Variants in DPYSL3 observed in about 807,000 individuals in gnomAD.
The protein encoded by DPYSL3 is dihydropyrimidinase-related protein 3.
DPYSL3 carries 16 observed loss-of-function variants against 66.1 expected under a neutral mutation model. The observed-to-expected ratio is 0.24, with a 90% CI of 0.16 to 0.37. The LOEUF is 0.37. Among genes scored for constraint, DPYSL3 ranks in the 10% least tolerant of loss-of-function variants. The pLI is 1.00. For missense variants in DPYSL3, 738 were observed against 916.2 expected (o/e 0.81, Z 2.51); for synonymous variants, 338 against 345.1 (o/e 0.98, Z 0.23).
intron 1 of DPYSL3, among the ~76,000 whole-genome samples, chr5:147,428,946 T>C (rs1184183808): frequency 6.6e-6 from 1 of 152,150 alleles, no homozygotes; most frequent in Non-Finnish European, 1.5e-5. Context: ...CCCGTACATG[T>C]ATCCCAGAAC....
chr5:147,412,910 T>TGG (rs1265817136), intron 5 of DPYSL3, among the ~76,000 whole-genome samples: 1 of 152,210 alleles, frequency 6.6e-6, no homozygotes, highest in Admixed American at 6.5e-5. Context: ...TTCCCTAGGC[T>TGG]GGCAGAGCAA....
intron 11 of DPYSL3, 37 bp from the exon 12 acceptor site, chr5:147,397,882 G>A (rs781721856): frequency 6.6e-7 from 1 of 1,525,702 alleles, no homozygotes; most frequent in Non-Finnish European, 8.8e-7. Context: ...CACAGTAAGG[G>A]TAGAGAAAGA....
chr5:147,453,187 A>G (rs1198398593), intron 1 of DPYSL3, among the ~76,000 whole-genome samples: 15 of 152,056 alleles, frequency 9.9e-5, no homozygotes, highest in Admixed American at 9.8e-4. Flanking sequence ...CTTAGACAAA[A>G]AGCACACCTC....
At chr5:147,469,233 C>T (rs528590666) in intron 1 of DPYSL3, among the ~76,000 whole-genome samples, 1 of 152,338 alleles carries the variant, frequency 6.6e-6, no homozygotes, top group South Asian at 2.1e-4. Flanking sequence ...ATCAATACAC[C>T]TCCTTGACTG....
intron 1 of DPYSL3, among the ~76,000 whole-genome samples, chr5:147,459,586 G>A (rs1458535869): frequency 6.6e-6 from 1 of 151,432 alleles, no homozygotes; most frequent in Non-Finnish European, 1.5e-5. Flanking sequence ...AACTAACCTC[G>A]GATACACATA....
Position 147,413,300 on chromosome 5 carries a change from G to A in DPYSL3, c.882+296C>T, listed in dbSNP as rs1751893996. ...GGCGAAGAGCCTCACACTTTCACTG[G>A]GCTTATGAGGGGTTTGGAGCTTGTT... On this transcript the variant is annotated intron_variant, in intron 5 of 13. Coordinates refer to ENST00000343218, the MANE Select transcript of DPYSL3 (RefSeq NM_001197294.2). Among the ~76,000 whole-genome samples, 2 of 152,134 alleles carry A rather than the reference G, an allele frequency of 1.3e-5. 1 individual carries two copies. The highest frequency in any genetic ancestry group is 4.1e-4 in the South Asian group (2 of 4,824).
At chr5:147,456,408 A>G (rs578107250) in intron 1 of DPYSL3, among the ~76,000 whole-genome samples, 7 of 152,228 alleles carry the variant, frequency 4.6e-5, no homozygotes, top group Admixed American at 2.6e-4. Flanking sequence ...TACAGTCCCA[A>G]AGAAACTTAA....
intron 1 of DPYSL3, among the ~76,000 whole-genome samples, chr5:147,468,977 C>A (rs1008646085): frequency 6.6e-6 from 1 of 151,994 alleles, no homozygotes; most frequent in East Asian, 1.9e-4. Context: ...AATTAAGTTG[C>A]GAATACAATG....
intron 1 of DPYSL3, among the ~76,000 whole-genome samples, chr5:147,435,095 A>T (rs1752392670): frequency 6.6e-6 from 1 of 152,050 alleles, no homozygotes; most frequent in East Asian, 1.9e-4. Context: ...AAGTCTATTA[A>T]TTAAGAAAGG....
intron 11 of DPYSL3, 48 bp from the exon 12 acceptor site, chr5:147,397,893 G>T: frequency 1.3e-6 from 2 of 1,511,406 alleles, no homozygotes; most frequent in Non-Finnish European, 1.8e-6. Flanking sequence ...TAGAGAAAGA[G>T]GAACGTACCT....
chr5:147,390,906 T>C lies in DPYSL3; in HGVS notation c.*3129A>G, dbSNP rs1211988230. On this transcript the variant is annotated 3_prime_UTR_variant, in exon 14 of 14. Coordinates refer to ENST00000343218, the MANE Select transcript of DPYSL3 (RefSeq NM_001197294.2). The stretch of plus-strand genomic sequence containing the variant: ...CAGCTAAACTCAAAACACAGTTTTG[T>C]TCACGGTTCAAACCAAACAGCTCTT... 6.6e-6 allele frequency: 1 copy of C among 152,658 alleles called. No individual in the cohort carries two copies. The allele number at this position is 152,658 out of a possible 1,614,324, so 9.5% of individuals were successfully genotyped here. A position where few individuals can be genotyped will look rare whatever the true frequency, so the allele number is the denominator to read the frequency against.
intron 12 of DPYSL3, 120 bp downstream of exon 12, chr5:147,397,546 G>A: frequency 9.2e-7 from 1 of 1,083,726 alleles, no homozygotes. Context: ...GGACAAGACT[G>A]TCACTGAATT....
chr5:147,401,788 G>T (rs1409984630), intron 8 of DPYSL3, 92 bp from the exon 9 acceptor site: 3 of 1,493,578 alleles, frequency 2.0e-6, no homozygotes, highest in East Asian at 4.9e-5. Context: ...GCCTACCCAG[G>T]ACTGTGTCTC....
At chr5:147,485,183 G>A (rs3813670) in intron 1 of DPYSL3, among the ~76,000 whole-genome samples, 1,858 of 152,294 alleles carry the variant, frequency 0.012, 65 homozygotes, top group East Asian at 0.087. Context: ...CACGTCACAC[G>A]TTATTTATTC....
rs1757946203 is a variant in DPYSL3 at position 147,395,640 on chromosome 5, G to A, written c.1885C>T (p.Pro629Ser). ...DLTTTPKGGT[P>S]AGSARGSPTR... ...GGAGAGCCCCGAGCAGAGCCTGCGGGGGTGCCACCTTTGGGGGTGGTGGTC... is the reference window on the plus strand; with the variant it reads ...GGAGAGCCCCGAGCAGAGCCTGCGGAGGTGCCACCTTTGGGGGTGGTGGTC... The change falls in exon 13 of 14, where the codon CCC becomes TCC. Residue 629 changes from proline to serine, a missense_variant. Pro to Ser is a moderately conservative substitution (Grantham distance 74). Coordinates refer to ENST00000343218, the MANE Select transcript of DPYSL3 (RefSeq NM_001197294.2). 2 of 1,614,116 alleles carry A rather than the reference G, an allele frequency of 1.2e-6. No homozygotes were observed. The highest frequency in any genetic ancestry group is 1.7e-6 in the Non-Finnish European group (2 of 1,180,044).
chr5:147,422,239 CAT>C (rs1345498323), intron 2 of DPYSL3, among the ~76,000 whole-genome samples: 1 of 152,096 alleles, frequency 6.6e-6, no homozygotes, highest in Non-Finnish European at 1.5e-5. Context: ...GGCCAAAAAA[CAT>C]ATGAAAAAAA....
At chr5:147,448,414 A>T (rs970554758) in intron 1 of DPYSL3, among the ~76,000 whole-genome samples, 1 of 152,248 alleles carries the variant, frequency 6.6e-6, no homozygotes. Flanking sequence ...ACAACAAAAA[A>T]GTTTTTATAT....
At chr5:147,449,137 G>C (rs924639641) in intron 1 of DPYSL3, among the ~76,000 whole-genome samples, 1 of 137,010 alleles carries the variant, frequency 7.3e-6, no homozygotes, top group African/African-American at 2.7e-5. Context: ...AGATCCAAAG[G>C]TCGGATTGCA....
chr5:147,460,416 G>A (rs1188781393), intron 1 of DPYSL3, among the ~76,000 whole-genome samples: 1 of 152,218 alleles, frequency 6.6e-6, no homozygotes, highest in East Asian at 1.9e-4. Context: ...AGTCTAGTGT[G>A]TACCATTCCC....
Sources: allele counts gnomAD v4.1 joint callset (sites outside exome capture counted in the v4.1 genomes callset), GRCh38; gene constraint gnomAD v4.1.1; transcripts MANE v1.5; gene names NCBI Gene and HGNC (gene_info 2026-07-23, HGNC 2026-07-21).